Variants in RAPGEF1 observed in about 807,000 individuals in gnomAD.
The protein encoded by RAPGEF1 is Rap guanine nucleotide exchange factor 1, also known as CRK SH3-binding GNRP.
Under a neutral mutation model 143.3 loss-of-function variants are expected in RAPGEF1, and 33 were observed. That is an observed-to-expected ratio of 0.23 (90% CI 0.17 to 0.31). RAPGEF1 has a LOEUF of 0.31. Among genes scored for constraint, RAPGEF1 ranks in the 10% least tolerant of loss-of-function variants. RAPGEF1 has a pLI of 1.00. For synonymous variants in RAPGEF1, 629 were observed against 676.5 expected (o/e 0.93, Z 1.09); for missense variants, 1,199 against 1,645.4 (o/e 0.73, Z 4.69).
intron 1 of RAPGEF1, among the ~76,000 whole-genome samples, chr9:131,733,358 GC>G (rs1837205497): frequency 2.6e-5 from 2 of 76,482 alleles, no homozygotes; most frequent in Non-Finnish European, 3.1e-5. Flanking sequence ...AAAAGCCGGG[GC>G]GGGGGCGGGG....
At chr9:131,684,036 C>A (rs1481648507) in intron 1 of RAPGEF1, among the ~76,000 whole-genome samples, 21 of 152,242 alleles carry the variant, frequency 1.4e-4, no homozygotes, top group Admixed American at 1.4e-3. Flanking sequence ...TAGACACTTT[C>A]ACAATTTAAC....
rs766155078 is a variant in RAPGEF1, at chr9:131,587,801, C to T, written c.3168G>A (p.Glu1056=). The T allele has an allele frequency of 8.0e-5, 129 of 1,613,854 alleles. No homozygotes were observed. Among genetic ancestry groups the T allele is most frequent in the Non-Finnish European group, 1.1e-4 (127 of 1,179,822 alleles). ...EIPEVLLWAK[E]QNEEKSPNLT... The stretch of plus-strand genomic sequence containing the variant: ...AGTTGGGGCTCTTCTCCTCATTCTG[C>T]TCTTTTGCCCAAAGCAAAACCTCAG... The change falls in exon 22 of 27, where the codon GAG becomes GAA. Residue 1056 remains glutamate (E), a synonymous_variant. Transcript: ENST00000683357.
chr9:131,729,685 C>A (rs975770682), intron 1 of RAPGEF1, among the ~76,000 whole-genome samples: 2 of 152,216 alleles, frequency 1.3e-5, no homozygotes, highest in Non-Finnish European at 2.9e-5. Flanking sequence ...CCACCCCTGG[C>A]GAGTCACTTC....
intron 22 of RAPGEF1, among the ~76,000 whole-genome samples, chr9:131,586,954 A>T (rs71481383): frequency 0.18 from 12,725 of 68,894 alleles, 2,467 homozygotes; most frequent in Non-Finnish European, 0.29. Flanking sequence ...CTGCAGAGCG[A>T]GACTCCGTCT....
At chr9:131,701,832 T>C (rs1834674496) in intron 1 of RAPGEF1, among the ~76,000 whole-genome samples, 1 of 152,242 alleles carries the variant, frequency 6.6e-6, no homozygotes, top group East Asian at 1.9e-4. Flanking sequence ...TTGGCAAAAT[T>C]AGGGAATAAT....
chr9:131,611,255 C>T (rs184154058), intron 12 of RAPGEF1, among the ~76,000 whole-genome samples: 1 of 152,282 alleles, frequency 6.6e-6, no homozygotes, highest in African/African-American at 2.4e-5. Flanking sequence ...ATTCTTCTCA[C>T]CAAAGAAAGG....
intron 4 of RAPGEF1, among the ~76,000 whole-genome samples, chr9:131,640,593 C>T (rs976152773): frequency 7.0e-6 from 1 of 142,790 alleles, no homozygotes. Flanking sequence ...CCGCATGTGA[C>T]GAGTGTGACT....
At chr9:131,631,413 C>T (rs1564576536) in intron 5 of RAPGEF1, among the ~76,000 whole-genome samples, 1 of 152,228 alleles carries the variant, frequency 6.6e-6, no homozygotes, top group Non-Finnish European at 1.5e-5. Context: ...CCGAGCTCAG[C>T]GTCAACAGCT....
intron 1 of RAPGEF1, among the ~76,000 whole-genome samples, chr9:131,651,744 T>C (rs1436095107): frequency 6.6e-6 from 1 of 152,226 alleles, no homozygotes; most frequent in Non-Finnish European, 1.5e-5. Context: ...AATACAGTCA[T>C]GTGTTGCTCA....
intron 1 of RAPGEF1, among the ~76,000 whole-genome samples, chr9:131,724,629 C>T (rs1040884023): frequency 1.3e-5 from 2 of 152,054 alleles, no homozygotes; most frequent in African/African-American, 4.8e-5. Flanking sequence ...CCTGAAACAC[C>T]AGGATTGTTA....
intron 17 of RAPGEF1, among the ~76,000 whole-genome samples, chr9:131,594,638 T>G (rs1019208303): frequency 4.6e-5 from 7 of 152,344 alleles, no homozygotes; most frequent in African/African-American, 1.7e-4. Context: ...ACCCTCCCAG[T>G]GGAGCCATGG....
At position 131,596,302 on chromosome 9, in the gene RAPGEF1, C is replaced by T. The variant is rs559493822; in HGVS notation, c.2685G>A (p.Arg895=). ...GTGAGCTCACTGACACCCTACCTTTCCTGTCAGTCTCAGTAGCATGGACCA... is the reference window on the plus strand; with the variant it reads ...GTGAGCTCACTGACACCCTACCTTTTCTGTCAGTCTCAGTAGCATGGACCA... ...ILLVHATETD[R]KDLVLYCEAF... The change falls in exon 17 of 27, where the codon AGG becomes AGA. Residue 895 remains arginine (R), a synonymous_variant. Coordinates refer to ENST00000683357, the MANE Select transcript of RAPGEF1 (RefSeq NM_001377935.1). 1 of 1,613,968 alleles carries T rather than the reference C, an allele frequency of 6.2e-7. No homozygotes were observed. The highest frequency in any genetic ancestry group is 1.3e-5 in the African/African-American group (1 of 75,054).
chr9:131,705,989 T>A (rs1490781820), intron 1 of RAPGEF1, among the ~76,000 whole-genome samples: 1 of 152,188 alleles, frequency 6.6e-6, no homozygotes, highest in Non-Finnish European at 1.5e-5. Flanking sequence ...CCCTTCCTAA[T>A]CATGATCATC....
At chr9:131,643,140 G>C (rs1483742456) in intron 4 of RAPGEF1, 99 bp downstream of exon 4, 72 of 1,365,744 alleles carry the variant, frequency 5.3e-5, no homozygotes, top group Non-Finnish European at 2.9e-6. Context: ...TCCTTTTCCT[G>C]ACTGTTCCTA....
intron 1 of RAPGEF1, among the ~76,000 whole-genome samples, chr9:131,733,254 C>T (rs1008410740): frequency 2.0e-5 from 3 of 151,510 alleles, no homozygotes; most frequent in African/African-American, 7.3e-5. Context: ...ACCTAGATGA[C>T]GGGTTGATAG....
At chr9:131,604,794 G>A (rs1956830628) in intron 13 of RAPGEF1, 137 bp downstream of exon 13, 7 of 1,162,668 alleles carry the variant, frequency 6.0e-6, no homozygotes, top group African/African-American at 4.8e-5. Flanking sequence ...GCAGGTGTGC[G>A]CTGGCAGCCC....
At position 131,667,724 on chromosome 9, in the gene RAPGEF1, A is replaced by G. The variant is rs1179883615; in HGVS notation, c.62-16775T>C. ...ACACGTGGCCTAGGGCAGCCTATCC[A>G]CGTATTCCCGTCCCACCCACGTCTC... On this transcript the variant is annotated intron_variant, in intron 1 of 26. Coordinates refer to ENST00000683357, the MANE Select transcript of RAPGEF1 (RefSeq NM_001377935.1). The surrounding 1 kb of genome is among the most constrained non-coding windows in gnomAD (Gnocchi z 4.6). Among the ~76,000 whole-genome samples, 1 of 152,190 alleles carries G rather than the reference A, an allele frequency of 6.6e-6. No homozygotes were observed. Among genetic ancestry groups the G allele is most frequent in the East Asian group, 1.9e-4 (1 of 5,192 alleles).
At chr9:131,719,886 C>CTTT (rs34813794) in intron 1 of RAPGEF1, among the ~76,000 whole-genome samples, 3 of 135,730 alleles carry the variant, frequency 2.2e-5, no homozygotes, top group Non-Finnish European at 4.8e-5. Flanking sequence ...TTCTTTCTTT[C>CTTT]TTTTTTTTTT....
intron 1 of RAPGEF1, chr9:131,737,316 A>G: frequency 5.6e-6 from 9 of 1,598,600 alleles, no homozygotes; most frequent in South Asian, 1.1e-5. Context: ...CACCAGGTAT[A>G]TATCTCAGCC....
Sources: gnomAD v4.1 joint callset for allele counts (sites outside exome capture counted in the v4.1 genomes callset) on GRCh38, gnomAD v4.1.1 for gene constraint, Gnocchi (gnomAD v3.1) non-coding constraint, MANE v1.5 for transcripts, NCBI Gene and HGNC (gene_info 2026-07-23, HGNC 2026-07-21) for gene names.